The following ATRNL1 variants were observed in gnomAD, a reference collection of about 807,000 sequenced individuals.
The protein encoded by ATRNL1 is attractin like 1, also known as attractin-like protein 1.
A neutral mutation model predicts 182.7 loss-of-function variants in ATRNL1; 95 were observed. The observed-to-expected ratio is 0.52, with a 90% CI of 0.44 to 0.62. The LOEUF (loss-of-function observed/expected upper bound fraction) is 0.62. Ranked by LOEUF, ATRNL1 falls within the 20% of genes least tolerant of loss-of-function variation. The probability of loss-of-function intolerance (pLI) is 0.00; values close to 1 mark genes in which losing one functional copy is unlikely to be tolerated. For synonymous variants in ATRNL1, 576 were observed against 568.3 expected (o/e 1.01, Z -0.19); for missense variants, 1,471 against 1,679.5 (o/e 0.88, Z 2.17).
intron 20 of ATRNL1, among the ~76,000 whole-genome samples, chr10:115,425,648 A>G (rs1362215819): frequency 7.2e-5 from 11 of 152,008 alleles, no homozygotes; most frequent in Admixed American, 6.6e-4. Flanking sequence ...AAATCTGTTT[A>G]TGTGAATTCA....
chr10:115,909,961 A>G (rs1172954351), intron 28 of ATRNL1, among the ~76,000 whole-genome samples: 1 of 152,200 alleles, frequency 6.6e-6, no homozygotes, highest in Non-Finnish European at 1.5e-5. Flanking sequence ...AAATAAATTG[A>G]AAGTTGGCTG....
intron 10 of ATRNL1, among the ~76,000 whole-genome samples, chr10:115,243,178 A>G (rs1455777400): frequency 1.3e-5 from 2 of 152,118 alleles, no homozygotes; most frequent in East Asian, 1.9e-4. Context: ...AGGTTCTTCA[A>G]GGAGCTTCCA....
chr10:115,435,518 C>T (rs558876820), intron 21 of ATRNL1, among the ~76,000 whole-genome samples: 1 of 152,196 alleles, frequency 6.6e-6, no homozygotes, highest in South Asian at 2.1e-4. Context: ...TATAAATTAC[C>T]CAGTATGTGG....
intron 20 of ATRNL1, among the ~76,000 whole-genome samples, chr10:115,396,656 T>C (rs1844304827): frequency 6.6e-6 from 1 of 151,924 alleles, no homozygotes; most frequent in African/African-American, 2.4e-5. Flanking sequence ...GTATTACAGA[T>C]AAAAATAATA....
intron 28 of ATRNL1, among the ~76,000 whole-genome samples, chr10:115,891,364 C>G (rs1001465235): frequency 7.9e-5 from 12 of 152,174 alleles, no homozygotes; most frequent in Non-Finnish European, 1.2e-4. Context: ...CATCCAAGAA[C>G]AGAACATCCA....
At chr10:115,482,259 A>G (rs976443073) in intron 24 of ATRNL1, among the ~76,000 whole-genome samples, 1 of 151,122 alleles carries the variant, frequency 6.6e-6, no homozygotes. Flanking sequence ...ATATTGCCTT[A>G]CAAATGAATA....
chr10:115,606,796 G>A (rs1297662231), intron 26 of ATRNL1, among the ~76,000 whole-genome samples: 4 of 151,920 alleles, frequency 2.6e-5, no homozygotes, highest in African/African-American at 7.2e-5. Context: ...AATTAAAGAC[G>A]TTTATCCAAA....
At chr10:115,615,561 T>C (rs1367784879) in intron 26 of ATRNL1, among the ~76,000 whole-genome samples, 1 of 152,148 alleles carries the variant, frequency 6.6e-6, no homozygotes, top group Non-Finnish European at 1.5e-5. Flanking sequence ...CCCATCCAAA[T>C]CTAATGTTGA....
chr10:115,581,445 C>T (rs1236036563), intron 26 of ATRNL1, among the ~76,000 whole-genome samples: 6 of 152,038 alleles, frequency 3.9e-5, no homozygotes, highest in African/African-American at 1.2e-4. Context: ...AATTCCTGCA[C>T]TCTCATTTGA....
At position 115,129,669 on chromosome 10, in the gene ATRNL1, T is replaced by A. The variant is rs902313432; in HGVS notation, c.829+134T>A. On this transcript the variant is annotated intron_variant, in intron 5 of 28. Coordinates refer to ENST00000355044, the MANE Select transcript of ATRNL1 (RefSeq NM_207303.4). ...ATATTTACTTTTATTTTTAGAATGT[T>A]CAGATTAATAATCAACTTCTTAATA... The A allele has an allele frequency of 9.2e-6, 6 of 650,584 alleles. No individual in the cohort carries two copies. In the African/African-American group the frequency reaches 1.1e-4, roughly 12 times the overall value. 40.3% of individuals were successfully genotyped at this position (650,584 alleles called of 1,614,324 possible).
At position 115,334,320 on chromosome 10, in the gene ATRNL1, A is replaced by C. The variant is rs782530370; in HGVS notation, c.3076A>C (p.Asn1026His). The change falls in exon 19 of 29, where the codon AAT (asparagine) becomes CAT (histidine). Residue 1026 changes from asparagine (N) to histidine (H), a missense_variant. By Grantham distance (68) the Asn-to-His change is moderately conservative. Around this residue, in one of 3 missense-constraint regions of ATRNL1, gnomAD observed 437 missense variants for 506.0 expected, o/e 0.86. Coordinates refer to ENST00000355044, the MANE Select transcript of ATRNL1 (RefSeq NM_207303.4). Reference sequence around the variant, plus strand: ...TGGACATAGCACTTGCATCAATAATAATGTGTGCGAACAGTGTAAAAATCT... The same window carrying C: ...TGGACATAGCACTTGCATCAATAATCATGTGTGCGAACAGTGTAAAAATCT... ...CNGHSTCINN[N>H]VCEQCKNLTT... is the part of the protein sequence containing the mutation. The C allele has an allele frequency of 6.3e-7, 1 of 1,592,188 alleles. No homozygotes were observed. The highest frequency in any genetic ancestry group is 8.6e-7 in the Non-Finnish European group (1 of 1,165,760).
Position 115,602,530 on chromosome 10 carries a change from A to G in ATRNL1, c.3795+52994A>G, listed in dbSNP as rs1416573010. On this transcript the variant is annotated intron_variant, in intron 26 of 28. Coordinates refer to ENST00000355044, the MANE Select transcript of ATRNL1 (RefSeq NM_207303.4). ...TTCAGAATTAGTGTCAGACGCTACA[A>G]GGTTAGAGGCTCCGTCCTACAGGCC... 5.3e-5 allele frequency among the ~76,000 whole-genome samples: 8 copies of G among 152,218 alleles called. No homozygotes were observed. In the Middle Eastern group the frequency reaches 0.014, roughly 259 times the overall value.
chr10:115,641,216 A>T (rs148445129), intron 26 of ATRNL1, among the ~76,000 whole-genome samples: 29 of 152,330 alleles, frequency 1.9e-4, no homozygotes, highest in Non-Finnish European at 2.9e-5. Flanking sequence ...GATAGTTGTA[A>T]CATTATATTA....
chr10:115,393,006 C>T (rs1564993814), intron 19 of ATRNL1, among the ~76,000 whole-genome samples: 2 of 152,066 alleles, frequency 1.3e-5, no homozygotes, highest in African/African-American at 2.4e-5. Flanking sequence ...TCTAATATGC[C>T]ACCTAGATTT....
chr10:115,120,543 T>C (rs1225304411), intron 2 of ATRNL1, among the ~76,000 whole-genome samples: 1 of 152,096 alleles, frequency 6.6e-6, no homozygotes, highest in Non-Finnish European at 1.5e-5. Context: ...GAACATCTTG[T>C]TATGAAATTT....
intron 26 of ATRNL1, among the ~76,000 whole-genome samples, chr10:115,679,294 TTTTG>T (rs1362025729): frequency 2.0e-5 from 3 of 151,952 alleles, no homozygotes; most frequent in African/African-American, 4.8e-5. Context: ...CAGTACTAGT[TTTTG>T]TTTGTTTGGT....
At chr10:115,288,553 G>A (rs1387650615) in intron 15 of ATRNL1, among the ~76,000 whole-genome samples, 7 of 147,310 alleles carry the variant, frequency 4.8e-5, no homozygotes, top group African/African-American at 1.3e-4. Flanking sequence ...AGACAGTCTC[G>A]CTCAGTTGGC....
chr10:115,565,648 A>G (rs1463766765), intron 26 of ATRNL1, among the ~76,000 whole-genome samples: 1 of 152,140 alleles, frequency 6.6e-6, no homozygotes, highest in Non-Finnish European at 1.5e-5. Flanking sequence ...CTCATCAACT[A>G]CTAATAGCTT....
intron 26 of ATRNL1, among the ~76,000 whole-genome samples, chr10:115,722,334 T>C (rs535677694): frequency 1.2e-4 from 18 of 152,190 alleles, no homozygotes; most frequent in African/African-American, 4.3e-4. Flanking sequence ...AACATCACTA[T>C]CTAGGAAAAT....
Sources: gnomAD v4.1 joint callset for allele counts (sites outside exome capture counted in the v4.1 genomes callset) on GRCh38, gnomAD v4.1.1 for gene constraint, gnomAD v4.1.1 regional missense constraint, MANE v1.5 for transcripts, NCBI Gene and HGNC (gene_info 2026-07-23, HGNC 2026-07-21) for gene names.